Variants in SPDEF observed in about 807,000 individuals in gnomAD.
The protein encoded by SPDEF is SAM pointed domain containing ETS transcription factor.
In SPDEF, 12 loss-of-function variants were observed where a neutral mutation model predicts 36.0. The ratio of observed to expected loss-of-function variants is 0.33; its 90% CI spans 0.21 to 0.54. SPDEF has a LOEUF of 0.54. Among genes scored for constraint, SPDEF ranks in the 20% least tolerant of loss-of-function variants. SPDEF has a pLI of 0.93. For synonymous variants in SPDEF, 205 were observed against 193.0 expected, an observed-to-expected ratio of 1.06 and a Z score of -0.51; for missense variants, 388 against 456.9, an observed-to-expected ratio of 0.85 and a Z score of 1.37.
intron 1 of SPDEF, among the ~76,000 whole-genome samples, chr6:34,551,612 G>T (rs56306454): frequency 6.6e-6 from 1 of 152,166 alleles, no homozygotes; most frequent in African/African-American, 2.4e-5. Context: ...TGGACACCTG[G>T]GGCTCCCTTG....
At chr6:34,548,383 C>T (rs1767996324) in intron 1 of SPDEF, among the ~76,000 whole-genome samples, 1 of 152,186 alleles carries the variant, frequency 6.6e-6, no homozygotes, top group Non-Finnish European at 1.5e-5. Flanking sequence ...CCTCTTGGCT[C>T]TTCATTCCAC....
intron 2 of SPDEF, among the ~76,000 whole-genome samples, chr6:34,543,196 A>AAAAAAAAAAAAAAAAAAAAAAAAAAAG: frequency 2.5e-4 from 1 of 4,024 alleles, no homozygotes; most frequent in East Asian, 4.0e-3. Context: ...ACTCCATCTC[A>AAAAAAAAAAAAAAAAAAAAAAAAAAAG]AAAAAAAAAA....
intron 1 of SPDEF, among the ~76,000 whole-genome samples, chr6:34,545,297 C>T (rs1582001184): frequency 6.6e-6 from 1 of 152,256 alleles, no homozygotes; most frequent in East Asian, 1.9e-4. Flanking sequence ...GTGCCACATG[C>T]CAGGCTTTCC....
chr6:34,538,305 C>G lies in SPDEF; in HGVS notation c.977G>C (p.Arg326Pro). The G allele has an allele frequency of 1.2e-6, 2 of 1,614,048 alleles. No individual in the cohort carries two copies. Among genetic ancestry groups the G allele is most frequent in the Non-Finnish European group, 1.7e-6 (2 of 1,179,930 alleles). The change falls in exon 6 of 6, where the codon CGC becomes CCC. Residue 326 changes from arginine (R) to proline (P), a missense_variant. Coordinates refer to ENST00000374037, the MANE Select transcript of SPDEF (RefSeq NM_012391.3). This position sits in a 1 kb window ranked among gnomAD's most constrained non-coding sequence, Gnocchi z 5.9. The stretch of plus-strand genomic sequence containing the variant: ...GGGGTGCACGAACTGGTAGACGAGG[C>G]GCTGGGAGATGTCTGGCTTCCGGAT... Reference protein sequence around the residue: ...GIIRKPDISQRLVYQFVHPI With the variant: ...GIIRKPDISQPLVYQFVHPI
At chr6:34,548,979 C>G (rs560429659) in intron 1 of SPDEF, among the ~76,000 whole-genome samples, 16 of 152,206 alleles carry the variant, frequency 1.1e-4, no homozygotes, top group Admixed American at 2.0e-4. Context: ...CCAGAGGCCT[C>G]CTGACACTCA....
rs1767760587 is a variant in SPDEF, at chr6:34,539,193, G to T, written c.829+57C>A. The stretch of plus-strand genomic sequence containing the variant: ...CCCCCATGCACCGTGCCTGGCAGAA[G>T]CCCCCACAACCTCCATGCTCACTGG... On this transcript the variant is annotated intron_variant, in intron 5 of 5. Transcript: ENST00000374037. The surrounding 1 kb of genome is among the most constrained non-coding windows in gnomAD (Gnocchi z 5.2). 7 of 1,593,088 alleles carry T rather than the reference G, an allele frequency of 4.4e-6. No homozygotes were observed. Among genetic ancestry groups the T allele is most frequent in the African/African-American group, 1.3e-5 (1 of 74,554 alleles).
At position 34,539,106 on chromosome 6, in the gene SPDEF, AGCTGCATATTTGG is replaced by A; in HGVS notation, c.829+131_829+143del. 1 of 909,586 alleles carries A rather than the reference AGCTGCATATTTGG, an allele frequency of 1.1e-6. No homozygotes were observed. Among genetic ancestry groups the A allele is most frequent in the Non-Finnish European group, 1.7e-6 (1 of 588,284 alleles). The allele number at this position is 909,586 out of a possible 1,614,324, so 56.3% of individuals were successfully genotyped here. ...ACAGACCCCAGGGCTGTCCCATGAG[AGCTGCATATTTGG>A]CATCTAGGACAAAGGTGGGGATCAG... On this transcript the variant is annotated intron_variant, in intron 5 of 5. Transcript: ENST00000374037. This position sits in a 1 kb window ranked among gnomAD's most constrained non-coding sequence, Gnocchi z 5.2.
At chr6:34,554,426 A>G (rs554485862) in intron 1 of SPDEF, among the ~76,000 whole-genome samples, 2 of 152,134 alleles carry the variant, frequency 1.3e-5, no homozygotes, top group African/African-American at 4.8e-5. Context: ...TCCTTGTGAA[A>G]ACCAAAGTGT....
chr6:34,548,142 G>C (rs1767991751), intron 1 of SPDEF, among the ~76,000 whole-genome samples: 2 of 152,310 alleles, frequency 1.3e-5, no homozygotes, highest in South Asian at 2.1e-4. Flanking sequence ...CACATCACCC[G>C]CTTTCCTACC....
Position 34,544,549 on chromosome 6 carries a change from G to A in SPDEF, c.-29-65C>T. ...CATCCCTGTGGGGGCCGCTAAGCTG[G>A]TTATGGGGATGAGGGGCCCTGTGGA... is the stretch of plus-strand genomic sequence containing the variant. On this transcript the variant is annotated intron_variant, in intron 1 of 5. Transcript: ENST00000374037. This position sits in a 1 kb window ranked among gnomAD's most constrained non-coding sequence, Gnocchi z 4.4. 6.0e-6 allele frequency: 8 copies of A among 1,326,644 alleles called. No homozygotes were observed. Among genetic ancestry groups the A allele is most frequent in the Non-Finnish European group, 8.0e-6 (8 of 1,001,344 alleles). 82.2% of individuals were successfully genotyped at this position (1,326,644 alleles called of 1,614,324 possible).
intron 1 of SPDEF, among the ~76,000 whole-genome samples, chr6:34,547,889 A>G (rs1225694726): frequency 6.6e-6 from 1 of 152,112 alleles, no homozygotes; most frequent in Non-Finnish European, 1.5e-5. Context: ...TTAATGGTTA[A>G]CTGTGTGGTT....
chr6:34,539,568 G>T lies in SPDEF; in HGVS notation c.635-6C>A, dbSNP rs1236061249. ...CCGCTCTTTCATCCAGGCCGCTGCA[G>T]GGCAAGGAGAGGGGGTTGGGGACCC... On this transcript the variant is annotated splice_region_variant and splice_polypyrimidine_tract_variant and intron_variant, in intron 3 of 5. Coordinates refer to ENST00000374037, the MANE Select transcript of SPDEF (RefSeq NM_012391.3). The surrounding 1 kb of genome is among the most constrained non-coding windows in gnomAD (Gnocchi z 5.2). 3.2e-6 allele frequency: 5 copies of T among 1,566,086 alleles called. No individual in the cohort carries two copies. In the African/African-American group the frequency reaches 5.4e-5, roughly 17 times the overall value.
rs1025851102 is a variant in SPDEF at position 34,545,327 on chromosome 6, G to T, written c.-29-843C>A. On this transcript the variant is annotated intron_variant, in intron 1 of 5. Transcript: ENST00000374037. ...CTTTCCAGGAGGAGCCAGGGTGGTTGTGAGATGGGGCAGGGCTCCAGGGAA... is the reference window on the plus strand; with the variant it reads ...CTTTCCAGGAGGAGCCAGGGTGGTTTTGAGATGGGGCAGGGCTCCAGGGAA... Among the ~76,000 whole-genome samples the T allele has an allele frequency of 3.3e-5, 5 of 152,384 alleles. No individual in the cohort carries two copies. In the South Asian group the frequency reaches 8.3e-4, roughly 25 times the overall value.
At position 34,541,020 on chromosome 6, in the gene SPDEF, C is replaced by T; in HGVS notation, c.598G>A (p.Asp200Asn). ...ATGTCCAGGTGGGCGTGCAGCACATCCCCACCCAGGGGCGAGCGCTGGCGG... is the reference window on the plus strand; with the variant it reads ...ATGTCCAGGTGGGCGTGCAGCACATTCCCACCCAGGGGCGAGCGCTGGCGG... ...QFRQRSPLGG[D>N]VLHAHLDIWK... Residue 200 changes from aspartate to asparagine, a missense_variant, in exon 3 of 6, where the codon GAT becomes AAT. By Grantham distance (23) the Asp-to-Asn change is conservative. This residue lies in a region of SPDEF where 308 missense variants were observed against 326.1 expected (regional missense o/e 0.94). Coordinates refer to ENST00000374037, the MANE Select transcript of SPDEF (RefSeq NM_012391.3). 2 of 1,612,158 alleles carry T rather than the reference C, an allele frequency of 1.2e-6. No homozygotes were observed. Among genetic ancestry groups the T allele is most frequent in the Non-Finnish European group, 1.7e-6 (2 of 1,179,902 alleles).
At chr6:34,542,984 G>A (rs1283355633) in intron 2 of SPDEF, among the ~76,000 whole-genome samples, 3 of 150,484 alleles carry the variant, frequency 2.0e-5, no homozygotes, top group African/African-American at 7.3e-5. Context: ...ACGAGGTCAG[G>A]AGATCGAGAC....
chr6:34,545,175 A>G (rs1767925179), intron 1 of SPDEF, among the ~76,000 whole-genome samples: 1 of 152,086 alleles, frequency 6.6e-6, no homozygotes, highest in Admixed American at 6.5e-5. Context: ...GGTGCATGGT[A>G]CCCACCTCCC....
At position 34,541,169 on chromosome 6, in the gene SPDEF, C is replaced by T; in HGVS notation, c.449G>A (p.Trp150Ter). 1 of 1,602,846 alleles carries T rather than the reference C, an allele frequency of 6.2e-7. No individual in the cohort carries two copies. Among genetic ancestry groups the T allele is most frequent in the Non-Finnish European group, 8.5e-7 (1 of 1,174,540 alleles). ...LLNITADPMD[W>*]SPSNVQKWLL... ...CCACTTCTGCACATTGCTGGGGCTC[C>T]AGTCCATGGGATCTGGGCAAGAGGC... Residue 150 changes from tryptophan (W) to a stop codon, truncating the protein, a stop_gained, in exon 3 of 6, where the codon TGG becomes TAG. Transcript: ENST00000374037. LOFTEE classifies it high-confidence loss of function.
intron 1 of SPDEF, among the ~76,000 whole-genome samples, chr6:34,547,089 A>C (rs1198131251): frequency 6.6e-6 from 1 of 150,598 alleles, no homozygotes; most frequent in Non-Finnish European, 1.5e-5. Flanking sequence ...ACGTTAGGAC[A>C]GTCTCTGCCA....
intron 1 of SPDEF, among the ~76,000 whole-genome samples, chr6:34,553,152 G>A (rs976591672): frequency 6.6e-6 from 1 of 152,166 alleles, no homozygotes; most frequent in Non-Finnish European, 1.5e-5. Context: ...GTCCCTGGCT[G>A]GGGAGGAAGG....
Sources: allele counts gnomAD v4.1 joint callset (sites outside exome capture counted in the v4.1 genomes callset), GRCh38; gene constraint gnomAD v4.1.1; regional missense constraint gnomAD v4.1.1; non-coding constraint Gnocchi (gnomAD v3.1); transcripts MANE v1.5; gene names NCBI Gene and HGNC (gene_info 2026-07-23, HGNC 2026-07-21).